The following GRXCR1 variants were observed in gnomAD, a reference collection of about 807,000 sequenced individuals.
GRXCR1 encodes the protein glutaredoxin and cysteine rich domain containing 1.
A neutral mutation model predicts 27.3 loss-of-function variants in GRXCR1; 27 were observed. That is an observed-to-expected ratio of 0.99 (90% CI 0.73 to 1.37). The LOEUF is 1.37. Among genes scored for constraint, GRXCR1 ranks in the 40% most tolerant of loss-of-function variants. GRXCR1 has a pLI of 0.00. For synonymous variants in GRXCR1, 122 were observed against 131.1 expected (o/e 0.93, Z 0.47); for missense variants, 379 against 354.4 (o/e 1.07, Z -0.56).
chr4:42,896,877 A>G (rs1255006150), intron 1 of GRXCR1, among the ~76,000 whole-genome samples: 1 of 152,136 alleles, frequency 6.6e-6, no homozygotes, highest in East Asian at 1.9e-4. Context: ...CCAAAGATGA[A>G]TAAAGGTTAT....
At chr4:42,963,949 C>T (rs999184202) in intron 2 of GRXCR1, among the ~76,000 whole-genome samples, 4 of 151,978 alleles carry the variant, frequency 2.6e-5, no homozygotes, top group Non-Finnish European at 5.9e-5. Flanking sequence ...TCTTAACCTT[C>T]ATTTTTCAGA....
chr4:42,900,904 T>C (rs1437386223), intron 1 of GRXCR1, among the ~76,000 whole-genome samples: 1 of 152,126 alleles, frequency 6.6e-6, no homozygotes, highest in Non-Finnish European at 1.5e-5. Context: ...ACAGGGCAAC[T>C]GTTCTTATTC....
chr4:42,929,472 C>A (rs1467800608), intron 1 of GRXCR1, among the ~76,000 whole-genome samples: 1 of 151,946 alleles, frequency 6.6e-6, no homozygotes, highest in Non-Finnish European at 1.5e-5. Flanking sequence ...AGAGATGAAG[C>A]AGAAGAGGAG....
chr4:42,951,970 G>A (rs899645643), intron 1 of GRXCR1, among the ~76,000 whole-genome samples: 2 of 152,148 alleles, frequency 1.3e-5, no homozygotes, highest in Non-Finnish European at 2.9e-5. Context: ...AATTCCTGAG[G>A]AAATAACTGA....
chr4:43,009,446 T>C (rs73177796), intron 2 of GRXCR1, among the ~76,000 whole-genome samples: 3,361 of 152,172 alleles, frequency 0.022, 118 homozygotes, highest in African/African-American at 0.076. Context: ...TATTTAAATC[T>C]GTATGTATAC....
chr4:42,911,903 T>C (rs973627446), intron 1 of GRXCR1, among the ~76,000 whole-genome samples: 1 of 152,070 alleles, frequency 6.6e-6, no homozygotes, highest in East Asian at 1.9e-4. Flanking sequence ...AAACATAAGG[T>C]ATGTTTAAGA....
intron 1 of GRXCR1, among the ~76,000 whole-genome samples, chr4:42,913,673 T>C (rs1004780119): frequency 2.6e-5 from 4 of 152,168 alleles, no homozygotes; most frequent in Non-Finnish European, 4.4e-5. Flanking sequence ...ACCAAAAGCC[T>C]GAATCTTAAT....
chr4:42,992,128 T>C (rs1044557882), intron 2 of GRXCR1, among the ~76,000 whole-genome samples: 1 of 152,124 alleles, frequency 6.6e-6, no homozygotes, highest in African/African-American at 2.4e-5. Flanking sequence ...TCATGGGAAA[T>C]CTAGTGGTGA....
At chr4:42,914,444 C>T (rs1441027686) in intron 1 of GRXCR1, among the ~76,000 whole-genome samples, 5 of 152,078 alleles carry the variant, frequency 3.3e-5, no homozygotes, top group Admixed American at 2.0e-4. Context: ...GGCTGTAGCC[C>T]CTTTGTTTTG....
In GRXCR1 at chr4:42,893,264, A is replaced by T; in HGVS notation, c.-3A>T. 1 of 1,613,500 alleles carries T rather than the reference A, an allele frequency of 6.2e-7. No individual in the cohort carries two copies. The highest frequency in any genetic ancestry group is 1.1e-5 in the South Asian group (1 of 91,082). On this transcript the variant is annotated 5_prime_UTR_variant, in exon 1 of 4. Coordinates refer to ENST00000399770, the MANE Select transcript of GRXCR1 (RefSeq NM_001080476.3). ...TAAACTGTTCATATGGGTGGAGGTG[A>T]CCATGCTTAAAAGGGAGATGAAGCC...
intron 2 of GRXCR1, among the ~76,000 whole-genome samples, chr4:43,003,701 T>C (rs1712459876): frequency 6.6e-6 from 1 of 152,204 alleles, no homozygotes; most frequent in African/African-American, 2.4e-5. Flanking sequence ...ATTTACAGCA[T>C]CTGGCAGAAG....
At chr4:42,997,644 T>G (rs933347464) in intron 2 of GRXCR1, among the ~76,000 whole-genome samples, 9 of 152,056 alleles carry the variant, frequency 5.9e-5, no homozygotes, top group African/African-American at 2.2e-4. Flanking sequence ...ACTCTCACAC[T>G]CAGGGTGCGC....
chr4:43,003,889 C>T (rs1459341317), intron 2 of GRXCR1, among the ~76,000 whole-genome samples: 1 of 152,152 alleles, frequency 6.6e-6, no homozygotes, highest in Non-Finnish European at 1.5e-5. Context: ...AAAACATTTT[C>T]TGGGGGAAAA....
chr4:42,939,792 T>C (rs1220714796), intron 1 of GRXCR1, among the ~76,000 whole-genome samples: 1 of 152,040 alleles, frequency 6.6e-6, no homozygotes, highest in Non-Finnish European at 1.5e-5. Flanking sequence ...TCTCTGTCTT[T>C]TGATGAGTCT....
intron 2 of GRXCR1, among the ~76,000 whole-genome samples, chr4:42,972,196 A>G (rs1489276922): frequency 6.6e-6 from 1 of 152,084 alleles, no homozygotes; most frequent in Non-Finnish European, 1.5e-5. Context: ...TTATTTAACT[A>G]TGGAACTGAT....
intron 2 of GRXCR1, among the ~76,000 whole-genome samples, chr4:42,964,859 G>C (rs932606428): frequency 2.0e-5 from 3 of 152,014 alleles, no homozygotes; most frequent in Admixed American, 2.0e-4. Flanking sequence ...TCACAAAGAA[G>C]GGATCTGATA....
At chr4:42,943,477 C>T (rs1247301628) in intron 1 of GRXCR1, among the ~76,000 whole-genome samples, 1 of 151,966 alleles carries the variant, frequency 6.6e-6, no homozygotes, top group African/African-American at 2.4e-5. Context: ...ATCCCTGGGC[C>T]CAGTTCTAGA....
intron 2 of GRXCR1, among the ~76,000 whole-genome samples, chr4:42,993,234 CT>C (rs942092671): frequency 6.6e-6 from 1 of 152,072 alleles, no homozygotes; most frequent in African/African-American, 2.4e-5. Context: ...TTATTCACAT[CT>C]ATAACATCTG....
At chr4:42,997,345 G>T (rs1712202378) in intron 2 of GRXCR1, among the ~76,000 whole-genome samples, 1 of 152,112 alleles carries the variant, frequency 6.6e-6, no homozygotes. Context: ...AATCTAGTGT[G>T]TCTATTTACA....
Sources: gnomAD v4.1 joint callset for allele counts (sites outside exome capture counted in the v4.1 genomes callset) on GRCh38, gnomAD v4.1.1 for gene constraint, MANE v1.5 for transcripts, NCBI Gene and HGNC (gene_info 2026-07-23, HGNC 2026-07-21) for gene names.